CDH4: variants seen among roughly 807,000 people sequenced by gnomAD.
The protein encoded by CDH4 is cadherin-4.
A neutral mutation model predicts 86.0 loss-of-function variants in CDH4; 33 were observed. That is an observed-to-expected ratio of 0.38 (90% CI 0.29 to 0.51). The LOEUF (loss-of-function observed/expected upper bound fraction) is 0.51. Among genes scored for constraint, CDH4 ranks in the 20% least tolerant of loss-of-function variants. CDH4 has a pLI of 0.86. For synonymous variants in CDH4, 555 were observed against 549.4 expected (o/e 1.01, Z -0.14); for missense variants, 1,114 against 1,307.4 (o/e 0.85, Z 2.28).
intron 2 of CDH4, among the ~76,000 whole-genome samples, chr20:61,391,448 G>A (rs1387974282): frequency 3.3e-5 from 5 of 152,102 alleles, no homozygotes; most frequent in African/African-American, 9.7e-5. Flanking sequence ...TGCGCCCTCC[G>A]AACCGCTTTA....
At position 61,532,511 on chromosome 20, in the gene CDH4, G is replaced by A. The variant is rs908402192; in HGVS notation, c.170-211052G>A. The stretch of plus-strand genomic sequence containing the variant: ...TTAAAAAGACCCGCATCTCACCACC[G>A]TTCAGTAACAACAAGTGCACACAAC... On this transcript the variant is annotated intron_variant, in intron 2 of 15. Transcript: ENST00000614565. Among the ~76,000 whole-genome samples the A allele has an allele frequency of 3.9e-5, 6 of 152,110 alleles. No individual in the cohort carries two copies. The East Asian group carries it at 5.8e-4, about 15-fold the overall frequency.
Position 61,510,582 on chromosome 20 carries a change from C to T in CDH4, c.170-232981C>T, listed in dbSNP as rs548417413. Among the ~76,000 whole-genome samples the T allele has an allele frequency of 6.6e-5, 10 of 152,294 alleles. No homozygotes were observed. Reference sequence around the variant, plus strand: ...GGGTGTCGGGGGTGATGACCGACCTCAGGACTAGGTAGCTCCCATTACTGC... The same window carrying T: ...GGGTGTCGGGGGTGATGACCGACCTTAGGACTAGGTAGCTCCCATTACTGC... On this transcript the variant is annotated intron_variant, in intron 2 of 15. Coordinates refer to ENST00000614565, the MANE Select transcript of CDH4 (RefSeq NM_001794.5). This position sits in a 1 kb window ranked among gnomAD's most constrained non-coding sequence, Gnocchi z 4.2.
intron 2 of CDH4, among the ~76,000 whole-genome samples, chr20:61,345,558 G>A (rs1055359477): frequency 5.9e-5 from 9 of 152,314 alleles, no homozygotes; most frequent in East Asian, 3.9e-4. Flanking sequence ...TAATAACAAC[G>A]TAAGGAGCCC....
chr20:61,426,591 C>T (rs190316684), intron 2 of CDH4, among the ~76,000 whole-genome samples: 1 of 152,344 alleles, frequency 6.6e-6, no homozygotes, highest in African/African-American at 2.4e-5. Context: ...TGACTCATAG[C>T]TCCCAATTAT....
intron 2 of CDH4, among the ~76,000 whole-genome samples, chr20:61,273,375 AGGGGAGTACCGTGTGCAGTTTG>A (rs2084197616): frequency 3.8e-5 from 1 of 26,388 alleles, no homozygotes. Flanking sequence ...TGTGCAGTTT[AGGGGAGTACCGTGTGCAGTTTG>A]GGGGAGTATT....
chr20:61,482,219 TC>T (rs1188307489), intron 2 of CDH4, among the ~76,000 whole-genome samples: 1 of 152,328 alleles, frequency 6.6e-6, no homozygotes, highest in African/African-American at 2.4e-5. Flanking sequence ...CCAGAAGTTA[TC>T]AGAGCTCTGG....
At chr20:61,654,417 A>AAGAGGGAGAGGGAGACCGTGGGG (rs1171282684) in intron 2 of CDH4, among the ~76,000 whole-genome samples, 20 of 152,064 alleles carry the variant, frequency 1.3e-4, no homozygotes, top group African/African-American at 2.2e-4. Flanking sequence ...AGACCGTGGA[A>AAGAGGGAGAGGGAGACCGTGGGG]AGAGGGAGAG....
At chr20:61,507,962 C>T (rs999214748) in intron 2 of CDH4, among the ~76,000 whole-genome samples, 6 of 152,214 alleles carry the variant, frequency 3.9e-5, no homozygotes, top group Admixed American at 2.0e-4. Context: ...TAATTTAAAA[C>T]GCCCATGACC....
At chr20:61,778,973 C>CCAAG (rs1978389040) in intron 4 of CDH4, among the ~76,000 whole-genome samples, 1 of 152,178 alleles carries the variant, frequency 6.6e-6, no homozygotes, top group South Asian at 2.1e-4. Flanking sequence ...TCAGGAACCA[C>CCAAG]CAAGCAATCC....
intron 8 of CDH4, among the ~76,000 whole-genome samples, chr20:61,905,906 A>G (rs141200789): frequency 3.9e-5 from 6 of 152,154 alleles, no homozygotes; most frequent in Admixed American, 6.5e-5. Context: ...ACAAGAGCTG[A>G]GAAGTCTTGG....
intron 4 of CDH4, among the ~76,000 whole-genome samples, chr20:61,838,347 A>G (rs1457530213): frequency 6.6e-6 from 1 of 152,068 alleles, no homozygotes; most frequent in Non-Finnish European, 1.5e-5. Flanking sequence ...CGGCTGTGCA[A>G]TGCAGGCAGG....
At chr20:61,616,384 G>A (rs905631872) in intron 2 of CDH4, among the ~76,000 whole-genome samples, 23 of 152,296 alleles carry the variant, frequency 1.5e-4, no homozygotes, top group African/African-American at 4.6e-4. Context: ...GAGGACTCTG[G>A]AGACCCACTC....
chr20:61,393,525 T>G lies in CDH4; in HGVS notation c.169+138588T>G, dbSNP rs1221350978. Among the ~76,000 whole-genome samples, 3 of 151,894 alleles carry G rather than the reference T, an allele frequency of 2.0e-5. No homozygotes were observed. In the South Asian group the frequency reaches 6.2e-4, roughly 32 times the overall value. ...AGTAATTCTGAATGACAGCCCAGAG[T>G]GGGGTCTTTATGGAGCAGGATCCTC... On this transcript the variant is annotated intron_variant, in intron 2 of 15. Coordinates refer to ENST00000614565, the MANE Select transcript of CDH4 (RefSeq NM_001794.5). The surrounding 1 kb of genome is among the most constrained non-coding windows in gnomAD (Gnocchi z 4.3).
chr20:61,750,352 A>G (rs1438589243), intron 3 of CDH4, among the ~76,000 whole-genome samples: 1 of 152,244 alleles, frequency 6.6e-6, no homozygotes, highest in Non-Finnish European at 1.5e-5. Flanking sequence ...TATACAATTT[A>G]TACCAATACA....
intron 2 of CDH4, among the ~76,000 whole-genome samples, chr20:61,666,186 T>C (rs998451199): frequency 3.3e-5 from 5 of 152,300 alleles, no homozygotes; most frequent in East Asian, 3.9e-4. Flanking sequence ...TTCTTGATTT[T>C]CCCTGCCAAA....
At chr20:61,385,573 T>C (rs1445014934) in intron 2 of CDH4, among the ~76,000 whole-genome samples, 2 of 152,174 alleles carry the variant, frequency 1.3e-5, no homozygotes, top group Non-Finnish European at 2.9e-5. Context: ...TTCAAATTTC[T>C]GCCCTACCAT....
intron 4 of CDH4, among the ~76,000 whole-genome samples, chr20:61,799,678 G>A (rs1979729377): frequency 6.6e-6 from 1 of 152,192 alleles, no homozygotes; most frequent in African/African-American, 2.4e-5. Flanking sequence ...AAGGGCTGTT[G>A]AGCTGGGCCC....
At chr20:61,841,573 C>A (rs372517465) in intron 4 of CDH4, among the ~76,000 whole-genome samples, 3 of 152,182 alleles carry the variant, frequency 2.0e-5, no homozygotes, top group Non-Finnish European at 4.4e-5. Context: ...TCCCATGGAC[C>A]GCTGAGGGGC....
intron 9 of CDH4, among the ~76,000 whole-genome samples, chr20:61,911,789 C>T (rs985374204): frequency 6.6e-6 from 1 of 152,262 alleles, no homozygotes; most frequent in African/African-American, 2.4e-5. Flanking sequence ...TATGCCGAAG[C>T]GTAAGGAAAA....
Sources: gnomAD v4.1 joint callset for allele counts (sites outside exome capture counted in the v4.1 genomes callset) on GRCh38, gnomAD v4.1.1 for gene constraint, Gnocchi (gnomAD v3.1) non-coding constraint, MANE v1.5 for transcripts, NCBI Gene and HGNC (gene_info 2026-07-23, HGNC 2026-07-21) for gene names.